Variants in CADPS observed in about 807,000 individuals in gnomAD.
The protein encoded by CADPS is calcium-dependent secretion activator 1.
A neutral mutation model predicts 167.3 loss-of-function variants in CADPS; 57 were observed. That is an observed-to-expected ratio of 0.34 (90% CI 0.28 to 0.42). The LOEUF (loss-of-function observed/expected upper bound fraction) is 0.42. CADPS is among the 20% of genes least tolerant of loss of function. The probability of loss-of-function intolerance (pLI) is 1.00; values close to 1 mark genes in which losing one functional copy is unlikely to be tolerated. For missense variants in CADPS, 1,414 were observed against 1,738.1 expected (o/e 0.81, Z 3.32); for synonymous variants, 676 against 635.3 (o/e 1.06, Z -0.96).
intron 9 of CADPS, among the ~76,000 whole-genome samples, chr3:62,563,741 T>G (rs2079591100): frequency 1.3e-5 from 2 of 150,668 alleles, no homozygotes; most frequent in Admixed American, 1.3e-4. Flanking sequence ...TATTGTTATG[T>G]CTTTGCATCC....
At chr3:62,708,237 T>C (rs1021771817) in intron 3 of CADPS, among the ~76,000 whole-genome samples, 3 of 107,418 alleles carry the variant, frequency 2.8e-5, no homozygotes, top group African/African-American at 9.5e-5. Context: ...CACAAGGAAG[T>C]GTTAAAGTGG....
chr3:62,501,709 A>G (rs1385886219), intron 17 of CADPS, among the ~76,000 whole-genome samples: 1 of 152,232 alleles, frequency 6.6e-6, no homozygotes. Flanking sequence ...TAGGATAAAT[A>G]AATAATTCAT....
chr3:62,634,560 C>T (rs910304803), intron 6 of CADPS, among the ~76,000 whole-genome samples: 1 of 152,112 alleles, frequency 6.6e-6, no homozygotes, highest in African/African-American at 2.4e-5. Context: ...GACATTGTCA[C>T]ATTGATTGGG....
Position 62,433,998 on chromosome 3 carries a change from G to A in CADPS, c.3777+4106C>T, listed in dbSNP as rs1192983205. ...CTTTCCTCTGTAGCTGCTGCTTTAG[G>A]AATATGGAGATTATTTCATATCCAT... On this transcript the variant is annotated intron_variant, in intron 28 of 29. Transcript: ENST00000383710. This position sits in a 1 kb window ranked among gnomAD's most constrained non-coding sequence, Gnocchi z 4.7. Among the ~76,000 whole-genome samples the A allele has an allele frequency of 1.3e-5, 2 of 152,114 alleles. No individual in the cohort carries two copies. Among genetic ancestry groups the A allele is most frequent in the Admixed American group, 1.3e-4 (2 of 15,270 alleles).
chr3:62,561,232 T>C (rs1327443639), intron 9 of CADPS, among the ~76,000 whole-genome samples: 1 of 151,954 alleles, frequency 6.6e-6, no homozygotes, highest in African/African-American at 2.4e-5. Context: ...CTTAGGATTA[T>C]ACATTTTTCA....
intron 1 of CADPS, among the ~76,000 whole-genome samples, chr3:62,808,611 T>C (rs952043968): frequency 1.3e-5 from 2 of 152,250 alleles, no homozygotes; most frequent in South Asian, 4.1e-4. Context: ...CCAGAATCCA[T>C]GGTTTATTCC....
rs2080245759 is a variant in CADPS, at chr3:62,566,549, A to G, written c.1644+4323T>C. 2.6e-5 allele frequency among the ~76,000 whole-genome samples: 4 copies of G among 152,114 alleles called. No individual in the cohort carries two copies. The South Asian group carries it at 8.3e-4, about 32-fold the overall frequency. On this transcript the variant is annotated intron_variant, in intron 9 of 29. Coordinates refer to ENST00000383710, the MANE Select transcript of CADPS (RefSeq NM_003716.4). ...GGGAGTGTGTTTTTTTCTTTATGAT[A>G]TTGATAAAGTGCTTCTAAATGTGAT...
intron 2 of CADPS, among the ~76,000 whole-genome samples, chr3:62,756,581 T>C (rs9631506): frequency 0.22 from 33,076 of 152,114 alleles, 3,725 homozygotes; most frequent in Middle Eastern, 0.3. Context: ...ATAATCCTAA[T>C]AATGCCATGC....
intron 9 of CADPS, among the ~76,000 whole-genome samples, chr3:62,563,044 G>C (rs1334103436): frequency 6.6e-6 from 1 of 152,214 alleles, no homozygotes; most frequent in Non-Finnish European, 1.5e-5. Context: ...ACAGAGGCTT[G>C]ATAATATTGC....
chr3:62,498,684 T>C (rs1326434490), intron 18 of CADPS, among the ~76,000 whole-genome samples: 1 of 151,948 alleles, frequency 6.6e-6, no homozygotes, highest in African/African-American at 2.4e-5. Context: ...CTTCTGTCAC[T>C]GTGTTTAACA....
intron 7 of CADPS, among the ~76,000 whole-genome samples, chr3:62,587,794 C>T (rs1238247713): frequency 6.6e-6 from 1 of 152,166 alleles, no homozygotes; most frequent in Non-Finnish European, 1.5e-5. Context: ...CTGGGGAGCC[C>T]TCTTTTCCAG....
chr3:62,553,837 G>GA (rs1433190591), intron 10 of CADPS, among the ~76,000 whole-genome samples: 7 of 152,190 alleles, frequency 4.6e-5, no homozygotes, highest in African/African-American at 1.7e-4. Flanking sequence ...ATCAGTCTTA[G>GA]AAAAAGCAAC....
rs116118868 is a variant in CADPS, at chr3:62,735,170, T to C, written c.888+18271A>G. On this transcript the variant is annotated intron_variant, in intron 3 of 29. Coordinates refer to ENST00000383710, the MANE Select transcript of CADPS (RefSeq NM_003716.4). ...CATATTGAGATATCACCCAGAAAAA[T>C]AGAGCTACATGCATAAATATAAATC... 3.6e-3 allele frequency among the ~76,000 whole-genome samples: 551 copies of C among 152,028 alleles called. 1 individual carries two copies. The highest frequency in any genetic ancestry group is 0.012 in the African/African-American group (510 of 41,474).
intron 1 of CADPS, among the ~76,000 whole-genome samples, chr3:62,778,090 C>T (rs1363270973): frequency 6.6e-6 from 1 of 152,210 alleles, no homozygotes; most frequent in Non-Finnish European, 1.5e-5. Flanking sequence ...CTTGCTCCAT[C>T]TGACAGAGAA....
intron 18 of CADPS, 80 bp from the exon 19 acceptor site, chr3:62,493,745 G>C (rs2064146141): frequency 2.6e-6 from 3 of 1,155,142 alleles, no homozygotes; most frequent in Middle Eastern, 3.8e-4. Context: ...GACACCTGCT[G>C]TTTCCATTTT....
At chr3:62,451,586 C>G (rs1207124696) in intron 26 of CADPS, among the ~76,000 whole-genome samples, 2 of 151,608 alleles carry the variant, frequency 1.3e-5, no homozygotes, top group Non-Finnish European at 2.9e-5. Context: ...AGTGACTGCC[C>G]GAGCGCCCCA....
At chr3:62,789,710 G>A (rs1383219670) in intron 1 of CADPS, among the ~76,000 whole-genome samples, 1 of 152,178 alleles carries the variant, frequency 6.6e-6, no homozygotes, top group Non-Finnish European at 1.5e-5. Flanking sequence ...TCTTTCAGAA[G>A]TTTTATGTTT....
intron 3 of CADPS, among the ~76,000 whole-genome samples, chr3:62,728,804 T>A (rs751923130): frequency 6.6e-6 from 1 of 151,810 alleles, no homozygotes; most frequent in South Asian, 2.1e-4. Flanking sequence ...TAAGCTTGAC[T>A]TGGGGGCGGC....
intron 1 of CADPS, among the ~76,000 whole-genome samples, chr3:62,792,472 G>T (rs539688828): frequency 1.1e-3 from 163 of 152,100 alleles, no homozygotes; most frequent in Middle Eastern, 0.01. Context: ...CCACAGTGTT[G>T]GGATTACAGA....
Sources: gnomAD v4.1 joint callset for allele counts (sites outside exome capture counted in the v4.1 genomes callset) on GRCh38, gnomAD v4.1.1 for gene constraint, Gnocchi (gnomAD v3.1) non-coding constraint, MANE v1.5 for transcripts, NCBI Gene and HGNC (gene_info 2026-07-23, HGNC 2026-07-21) for gene names.